The following PLEKHA8 variants were observed in gnomAD, a reference collection of about 807,000 sequenced individuals.
PLEKHA8 encodes pleckstrin homology domain containing A8.
In PLEKHA8, 36 loss-of-function variants were observed where a neutral mutation model predicts 68.2. That is an observed-to-expected ratio of 0.53 (90% CI 0.40 to 0.70). The LOEUF (loss-of-function observed/expected upper bound fraction) is 0.70. Among genes scored for constraint, PLEKHA8 ranks in the 30% least tolerant of loss-of-function variants. The probability of loss-of-function intolerance (pLI) is 0.00; values close to 1 mark genes in which losing one functional copy is unlikely to be tolerated. For synonymous variants in PLEKHA8, 211 were observed against 216.1 expected (o/e 0.98, Z 0.20); for missense variants, 505 against 615.4 (o/e 0.82, Z 1.90).
chr7:30,049,485 GT>G (rs1023482613), intron 5 of PLEKHA8, 103 bp downstream of exon 5: 5 of 1,395,526 alleles, frequency 3.6e-6, no homozygotes, highest in South Asian at 1.5e-5. Flanking sequence ...TATAAAGACA[GT>G]TTTTTAATGG....
chr7:30,113,486 G>T (rs1202641382), intron 13 of PLEKHA8, among the ~76,000 whole-genome samples: 2 of 152,038 alleles, frequency 1.3e-5, no homozygotes, highest in African/African-American at 4.8e-5. Flanking sequence ...ACCTCTGGTG[G>T]CATTTAGGAT....
intron 13 of PLEKHA8, among the ~76,000 whole-genome samples, chr7:30,127,631 G>T (rs942471420): frequency 6.6e-6 from 1 of 152,146 alleles, no homozygotes; most frequent in African/African-American, 2.4e-5. Flanking sequence ...ACTATGCCTT[G>T]TTTTAGGGCA....
intron 13 of PLEKHA8, among the ~76,000 whole-genome samples, chr7:30,112,958 TATCTC>T (rs974350501): frequency 3.3e-5 from 5 of 152,156 alleles, no homozygotes; most frequent in African/African-American, 1.2e-4. Context: ...AGTTTATCAG[TATCTC>T]TACCTTTCTC....
rs1028436874 is a variant in PLEKHA8 at position 30,081,380 on chromosome 7, A to G, written c.*2593A>G. On this transcript the variant is annotated 3_prime_UTR_variant, in exon 14 of 14. Coordinates refer to ENST00000449726, the MANE Select transcript of PLEKHA8 (RefSeq NM_001197026.2). ...TAAATAAAAATATTAGAAATTAGAA[A>G]TTGAACCTAATACTAAACAGTAAAT... The G allele has an allele frequency of 2.0e-6, 2 of 984,498 alleles. No individual in the cohort carries two copies. The highest frequency in any genetic ancestry group is 4.7e-5 in the South Asian group (1 of 21,278). The allele number at this position is 984,498 out of a possible 1,614,324, so 61.0% of individuals were successfully genotyped here.
In PLEKHA8 at chr7:30,045,339, A is replaced by G. The variant is rs1791872062; in HGVS notation, c.157+138A>G. 6 of 609,116 alleles carry G rather than the reference A, an allele frequency of 9.9e-6. No homozygotes were observed. The East Asian group carries it at 1.8e-4, about 18-fold the overall frequency. The allele number at this position is 609,116 out of a possible 1,614,324, so 37.7% of individuals were successfully genotyped here. On this transcript the variant is annotated intron_variant, in intron 2 of 13. Coordinates refer to ENST00000449726, the MANE Select transcript of PLEKHA8 (RefSeq NM_001197026.2). ...GGGACATAGTGTTATGTGTCAAAAGAAAGCCTTGCAAATACAACCCAAAAC... is the reference window on the plus strand; with the variant it reads ...GGGACATAGTGTTATGTGTCAAAAGGAAGCCTTGCAAATACAACCCAAAAC...
At chr7:30,046,479 C>T (rs752514456) in intron 3 of PLEKHA8, 114 bp downstream of exon 3, 11 of 1,175,480 alleles carry the variant, frequency 9.4e-6, no homozygotes, top group Non-Finnish European at 1.2e-5. Context: ...TTGTGTCATG[C>T]AAATGCTGTG....
chr7:30,049,531 C>T (rs1291917358), intron 5 of PLEKHA8, 149 bp downstream of exon 5: 2 of 974,304 alleles, frequency 2.1e-6, no homozygotes, highest in South Asian at 1.9e-5. Context: ...TATCTGTCCT[C>T]AGCACCCCAT....
intron 13 of PLEKHA8, among the ~76,000 whole-genome samples, chr7:30,123,024 TC>T (rs914433238): frequency 7.3e-5 from 11 of 151,324 alleles, no homozygotes; most frequent in South Asian, 2.1e-4. Context: ...CTCCTGACTT[TC>T]CCCCCCCTAA....
chr7:30,092,674 A>G (rs1795464527), downstream of PLEKHA8, among the ~76,000 whole-genome samples: 1 of 152,156 alleles, frequency 6.6e-6, no homozygotes, highest in Admixed American at 6.5e-5. Flanking sequence ...CCTTTGAATG[A>G]ACTGCCTTCT....
intron 12 of PLEKHA8, among the ~76,000 whole-genome samples, chr7:30,071,182 G>A (rs751388703): frequency 6.6e-5 from 10 of 152,212 alleles, no homozygotes; most frequent in South Asian, 2.1e-4. Flanking sequence ...CCCAAAAAAA[G>A]CGATAAATGT....
At chr7:30,066,152 A>G (rs1295982889) in intron 12 of PLEKHA8, among the ~76,000 whole-genome samples, 2 of 152,236 alleles carry the variant, frequency 1.3e-5, no homozygotes, top group African/African-American at 4.8e-5. Context: ...AATTAGTTAT[A>G]GCATCAGTTT....
intron 9 of PLEKHA8, among the ~76,000 whole-genome samples, chr7:30,055,625 TA>T (rs1431668143): frequency 6.6e-6 from 1 of 152,186 alleles, no homozygotes; most frequent in Non-Finnish European, 1.5e-5. Flanking sequence ...ATTTGAGGAA[TA>T]GACCTTCAAA....
At chr7:30,112,230 A>G (rs1287127474) in intron 13 of PLEKHA8, among the ~76,000 whole-genome samples, 3 of 152,228 alleles carry the variant, frequency 2.0e-5, no homozygotes, top group Admixed American at 1.3e-4. Flanking sequence ...GGAAAAAATG[A>G]GCAAATTCAC....
At chr7:30,104,296 A>G (rs1234346976) in intron 13 of PLEKHA8, among the ~76,000 whole-genome samples, 1 of 152,248 alleles carries the variant, frequency 6.6e-6, no homozygotes, top group Admixed American at 6.5e-5. Flanking sequence ...TTTAAACTCC[A>G]TGACCCAGCA....
At chr7:30,106,678 A>C (rs752905397) in intron 13 of PLEKHA8, among the ~76,000 whole-genome samples, 7 of 152,312 alleles carry the variant, frequency 4.6e-5, no homozygotes, top group African/African-American at 9.6e-5. Context: ...ACTTAAATGG[A>C]GTCAGCCAAC....
At chr7:30,121,040 C>G (rs1796688021) in intron 13 of PLEKHA8, among the ~76,000 whole-genome samples, 1 of 151,780 alleles carries the variant, frequency 6.6e-6, no homozygotes, top group South Asian at 2.1e-4. Flanking sequence ...TACGATTAAT[C>G]TATTTAATCT....
At chr7:30,116,155 C>A (rs1796537380) in intron 13 of PLEKHA8, among the ~76,000 whole-genome samples, 1 of 151,260 alleles carries the variant, frequency 6.6e-6, no homozygotes. Context: ...CGCATACATA[C>A]ACGTATACAT....
In PLEKHA8 at chr7:30,082,518, A is replaced by T; in HGVS notation, c.*3731A>T. On this transcript the variant is annotated 3_prime_UTR_variant, in exon 14 of 14. Transcript: ENST00000449726. ...AGCTGGAAAGCGGGTGAATGACATG[A>T]CATGGGGCACCTAGGAAAGATGATT... 6.1e-6 allele frequency: 6 copies of T among 985,416 alleles called. No homozygotes were observed. The highest frequency in any genetic ancestry group is 7.2e-6 in the Non-Finnish European group (6 of 829,944). 61.0% of individuals were successfully genotyped at this position (985,416 alleles called of 1,614,324 possible). A position where few individuals can be genotyped will look rare whatever the true frequency, so the allele number is the denominator to read the frequency against.
At chr7:30,123,830 T>C (rs1015588601) in intron 13 of PLEKHA8, among the ~76,000 whole-genome samples, 28 of 152,206 alleles carry the variant, frequency 1.8e-4, no homozygotes, top group Admixed American at 1.8e-3. Context: ...ATCCAATTCC[T>C]GAACTTATCA....
Sources: gnomAD v4.1 joint callset for allele counts (sites outside exome capture counted in the v4.1 genomes callset) on GRCh38, gnomAD v4.1.1 for gene constraint, MANE v1.5 for transcripts, NCBI Gene and HGNC (gene_info 2026-07-23, HGNC 2026-07-21) for gene names.